The following HHAT variants were observed in gnomAD, a reference collection of about 807,000 sequenced individuals.
The protein encoded by HHAT is protein-cysteine N-palmitoyltransferase HHAT.
HHAT carries 47 observed loss-of-function variants against 70.8 expected under a neutral mutation model. The ratio of observed to expected loss-of-function variants is 0.66; its 90% CI spans 0.53 to 0.85. The LOEUF is 0.85. Ranked by LOEUF, HHAT falls within the 40% of genes least tolerant of loss-of-function variation. The probability of loss-of-function intolerance (pLI) is 0.00; values close to 1 mark genes in which losing one functional copy is unlikely to be tolerated. For missense variants in HHAT, 609 were observed against 604.8 expected (o/e 1.01, Z -0.07); for synonymous variants, 228 against 247.6 (o/e 0.92, Z 0.74).
At chr1:210,487,938 A>T (rs2094497274) in intron 8 of HHAT, among the ~76,000 whole-genome samples, 1 of 152,142 alleles carries the variant, frequency 6.6e-6, no homozygotes, top group Non-Finnish European at 1.5e-5. Flanking sequence ...ATTTGCCTTC[A>T]CCATCCCTCA....
intron 11 of HHAT, among the ~76,000 whole-genome samples, chr1:210,644,367 C>T (rs1673589048): frequency 6.6e-6 from 1 of 152,062 alleles, no homozygotes; most frequent in Non-Finnish European, 1.5e-5. Context: ...CTTTGGGAGG[C>T]CAACGCAGGC....
chr1:210,582,643 A>C (rs1659534015), intron 9 of HHAT, among the ~76,000 whole-genome samples: 1 of 152,134 alleles, frequency 6.6e-6, no homozygotes, highest in Non-Finnish European at 1.5e-5. Context: ...GGTATGAGGG[A>C]GCTAGATATT....
At chr1:210,443,328 G>A (rs1209729115) in intron 7 of HHAT, among the ~76,000 whole-genome samples, 1 of 151,624 alleles carries the variant, frequency 6.6e-6, no homozygotes, top group African/African-American at 2.4e-5. Flanking sequence ...GGCGATGCGG[G>A]CTCTTTTTTG....
intron 11 of HHAT, among the ~76,000 whole-genome samples, chr1:210,646,309 T>A (rs1248435862): frequency 1.3e-5 from 2 of 152,208 alleles, no homozygotes; most frequent in Non-Finnish European, 2.9e-5. Context: ...ATTATTATAC[T>A]AAAGCAGAAA....
intron 11 of HHAT, among the ~76,000 whole-genome samples, chr1:210,641,427 G>A (rs757494941): frequency 6.6e-5 from 10 of 152,226 alleles, no homozygotes; most frequent in Non-Finnish European, 1.3e-4. Flanking sequence ...AGGTTGGTAC[G>A]CAAGTAATTG....
intron 11 of HHAT, among the ~76,000 whole-genome samples, chr1:210,641,747 G>A (rs1036162036): frequency 5.3e-5 from 8 of 152,146 alleles, no homozygotes; most frequent in South Asian, 2.1e-4. Context: ...ATGCACATAC[G>A]CGTACCTCAT....
chr1:210,492,996 C>T (rs1210403905), intron 8 of HHAT, among the ~76,000 whole-genome samples: 1 of 152,016 alleles, frequency 6.6e-6, no homozygotes, highest in African/African-American at 2.4e-5. Flanking sequence ...AGCCTGTGTA[C>T]CCTCATTTTT....
chr1:210,344,043 C>T (rs1571739103), intron 1 of HHAT, among the ~76,000 whole-genome samples: 1 of 152,256 alleles, frequency 6.6e-6, no homozygotes, highest in East Asian at 1.9e-4. Flanking sequence ...ATGACACAGC[C>T]TGGGACTCTC....
At chr1:210,586,937 T>C (rs888772089) in intron 9 of HHAT, among the ~76,000 whole-genome samples, 1 of 152,220 alleles carries the variant, frequency 6.6e-6, no homozygotes, top group Non-Finnish European at 1.5e-5. Context: ...ATGCATTTTG[T>C]CTGGTACTTT....
rs140503607 is a variant in HHAT at position 210,674,652 on chromosome 1, G to T, written c.*273G>T. The T allele has an allele frequency of 2.1e-5, 8 of 380,256 alleles. No individual in the cohort carries two copies. The highest frequency in any genetic ancestry group is 1.4e-4 in the African/African-American group (7 of 48,738). The allele number at this position is 380,256 out of a possible 1,614,324, so 23.6% of individuals were successfully genotyped here. The stretch of plus-strand genomic sequence containing the variant: ...CGTGTGTCTTACCCAGCTACACAGG[G>T]TGACATTTTGGTCTAGAACCTAGTC... On this transcript the variant is annotated 3_prime_UTR_variant, in exon 12 of 12. Coordinates refer to ENST00000261458, the MANE Select transcript of HHAT (RefSeq NM_018194.6).
chr1:210,594,492 T>G (rs1662487314), intron 10 of HHAT, among the ~76,000 whole-genome samples: 1 of 152,176 alleles, frequency 6.6e-6, no homozygotes, highest in African/African-American at 2.4e-5. Context: ...GTTGTTTTTG[T>G]TTATGTCTCA....
intron 9 of HHAT, among the ~76,000 whole-genome samples, chr1:210,569,395 A>AAAAAAAAAAAAAAAAAAAAC: frequency 1.4e-5 from 2 of 147,444 alleles, no homozygotes; most frequent in Non-Finnish European, 3.0e-5. Flanking sequence ...AAAAAAAAAA[A>AAAAAAAAAAAAAAAAAAAAC]AAAAGCGTAT....
At chr1:210,580,894 T>C (rs183115395) in intron 9 of HHAT, among the ~76,000 whole-genome samples, 2 of 152,324 alleles carry the variant, frequency 1.3e-5, no homozygotes, top group Admixed American at 1.3e-4. Context: ...CCTCGAAGAA[T>C]TGCCATACTA....
chr1:210,364,395 C>T (rs76311248), intron 3 of HHAT, among the ~76,000 whole-genome samples: 1,648 of 152,092 alleles, frequency 0.011, 19 homozygotes, highest in African/African-American at 0.032. Context: ...GTAACACTAG[C>T]GGATGTCTTA....
intron 10 of HHAT, among the ~76,000 whole-genome samples, chr1:210,602,796 C>G (rs769636309): frequency 1.3e-5 from 2 of 152,116 alleles, no homozygotes; most frequent in Non-Finnish European, 1.5e-5. Flanking sequence ...GGCACCCCCA[C>G]AGCATTGTCT....
chr1:210,565,498 T>C lies in HHAT; in HGVS notation c.1044-22400T>C, dbSNP rs143576594. Among the ~76,000 whole-genome samples, 327 of 152,358 alleles carry C rather than the reference T, an allele frequency of 2.1e-3. 1 individual carries two copies. The highest frequency in any genetic ancestry group is 7.6e-3 in the African/African-American group (316 of 41,574). ...AAACAATGTGGCATTCCTAGTCTGT[T>C]CTTCATTATTCCTGTCGTTCCATGA... On this transcript the variant is annotated intron_variant, in intron 9 of 11. Transcript: ENST00000261458.
chr1:210,596,025 A>C (rs976752407), intron 10 of HHAT, among the ~76,000 whole-genome samples: 1 of 152,180 alleles, frequency 6.6e-6, no homozygotes, highest in Admixed American at 6.5e-5. Context: ...TTGGTGTTTT[A>C]GACATGAAGT....
intron 8 of HHAT, among the ~76,000 whole-genome samples, chr1:210,511,159 G>A (rs1278575087): frequency 6.6e-6 from 1 of 152,154 alleles, no homozygotes; most frequent in Non-Finnish European, 1.5e-5. Context: ...ATTTTAGGAA[G>A]AACTTAGCAT....
chr1:210,351,449 G>T (rs1409499745), intron 2 of HHAT, among the ~76,000 whole-genome samples: 1 of 152,212 alleles, frequency 6.6e-6, no homozygotes, highest in Admixed American at 6.5e-5. Flanking sequence ...CACAATGGAT[G>T]TTGGATTTTG....
Sources: gnomAD v4.1 joint callset for allele counts (sites outside exome capture counted in the v4.1 genomes callset) on GRCh38, gnomAD v4.1.1 for gene constraint, MANE v1.5 for transcripts, NCBI Gene and HGNC (gene_info 2026-07-23, HGNC 2026-07-21) for gene names.